The following BIRC6 variants were observed in gnomAD, a reference collection of about 807,000 sequenced individuals.
The protein encoded by BIRC6 is dual E2 ubiquitin-conjugating enzyme/E3 ubiquitin-protein ligase BIRC6.
In BIRC6, 98 loss-of-function variants were observed where a neutral mutation model predicts 503.3. The observed-to-expected ratio is 0.19, with a 90% CI of 0.17 to 0.23. The LOEUF is 0.23. BIRC6 is among the 10% of genes least tolerant of loss of function. The pLI is 1.00. For synonymous variants in BIRC6, 2,240 were observed against 2,078.7 expected (o/e 1.08, Z -2.11); for missense variants, 5,360 against 5,806.0 (o/e 0.92, Z 2.50).
In BIRC6 at chr2:32,518,370, G is replaced by A. The variant is rs755156162; in HGVS notation, c.11466G>A (p.Val3822=). The A allele has an allele frequency of 1.2e-6, 2 of 1,609,298 alleles. No homozygotes were observed. Among genetic ancestry groups the A allele is most frequent in the Non-Finnish European group, 1.7e-6 (2 of 1,178,796 alleles). ...AGTTGATGCTGGAAGATGAGAAAGT[G>A]ACAATGTTTCTTCAGTCTCCATGTC... The part of the protein sequence containing the change: ...FLQLMLEDEK[V]TMFLQSPCPL... The change falls in exon 56 of 74, where the codon GTG becomes GTA. Residue 3822 remains valine (V), a synonymous_variant. Coordinates refer to ENST00000421745, the MANE Select transcript of BIRC6 (RefSeq NM_016252.4).
At chr2:32,583,726 G>A (rs367778392) in intron 66 of BIRC6, among the ~76,000 whole-genome samples, 1 of 151,944 alleles carries the variant, frequency 6.6e-6, no homozygotes, top group East Asian at 1.9e-4. Context: ...ATGCTAAAAC[G>A]TATTGTAATT....
chr2:32,548,456 C>A (rs2058208278), intron 64 of BIRC6, among the ~76,000 whole-genome samples: 1 of 149,356 alleles, frequency 6.7e-6, no homozygotes, highest in African/African-American at 2.5e-5. Flanking sequence ...GCAACCTTCA[C>A]CTCCCAGGTT....
intron 4 of BIRC6, among the ~76,000 whole-genome samples, chr2:32,391,461 TC>T (rs1479402552): frequency 1.3e-5 from 2 of 152,360 alleles, no homozygotes; most frequent in Middle Eastern, 3.4e-3. Context: ...AGAATGCATT[TC>T]TAACCAAACA....
chr2:32,460,287 T>A (rs1476387201), intron 23 of BIRC6, among the ~76,000 whole-genome samples: 4 of 103,370 alleles, frequency 3.9e-5, no homozygotes, highest in African/African-American at 1.1e-4. Flanking sequence ...TTTTTTTTTT[T>A]TTTTTTTTTT....
At chr2:32,607,930 C>A (rs1573350787) in intron 72 of BIRC6, among the ~76,000 whole-genome samples, 1 of 140,332 alleles carries the variant, frequency 7.1e-6, no homozygotes, top group East Asian at 2.1e-4. Context: ...TGAGACTGCA[C>A]CACTGCACTC....
At chr2:32,589,120 G>T (rs2061245242) in intron 66 of BIRC6, among the ~76,000 whole-genome samples, 1 of 152,020 alleles carries the variant, frequency 6.6e-6, no homozygotes, top group Non-Finnish European at 1.5e-5. Flanking sequence ...GTTGGTATTT[G>T]ATGGTTTCAC....
intron 66 of BIRC6, chr2:32,590,789 TC>T: frequency 1.0e-6 from 1 of 985,766 alleles, no homozygotes; most frequent in East Asian, 1.1e-4. Context: ...TTCAGTTGCT[TC>T]CTCGTATTTC....
rs761537595 is a variant in BIRC6, at chr2:32,508,158, T to G, written c.9879T>G (p.Leu3293=). 1.2e-6 allele frequency: 2 copies of G among 1,613,846 alleles called. No individual in the cohort carries two copies. Among genetic ancestry groups the G allele is most frequent in the Admixed American group, 3.3e-5 (2 of 59,996 alleles). The change falls in exon 51 of 74, where the codon CTT becomes CTG. Residue 3293 remains leucine (L), a synonymous_variant. Transcript: ENST00000421745. ...HRPRDASTLG[L]SQIKLLGLTA... is the part of the protein sequence containing the mutation. ...CACGGGATGCCAGCACATTAGGCCT[T>G]TCACAAATTAAATTATTGGGGCTCA...
chr2:32,488,065 G>T (rs1359058716), intron 41 of BIRC6, among the ~76,000 whole-genome samples: 1 of 152,054 alleles, frequency 6.6e-6, no homozygotes, highest in Non-Finnish European at 1.5e-5. Context: ...GAATCACAGG[G>T]CATGGTGGCT....
intron 1 of BIRC6, among the ~76,000 whole-genome samples, chr2:32,377,300 T>C (rs530267682): frequency 6.6e-6 from 1 of 152,068 alleles, no homozygotes; most frequent in African/African-American, 2.4e-5. Context: ...TATATCATGC[T>C]CATTTTCCCT....
At chr2:32,420,506 C>A (rs1453502700) in intron 10 of BIRC6, among the ~76,000 whole-genome samples, 1 of 151,984 alleles carries the variant, frequency 6.6e-6, no homozygotes, top group African/African-American at 2.4e-5. Context: ...TCCCCACAAT[C>A]ATTTTATTTA....
At chr2:32,381,331 C>A (rs756666883) in intron 3 of BIRC6, among the ~76,000 whole-genome samples, 75 of 152,126 alleles carry the variant, frequency 4.9e-4, no homozygotes, top group Non-Finnish European at 7.9e-4. Context: ...CCTCTGCCTC[C>A]CGGGTTCAAG....
chr2:32,403,378 G>C (rs566195086), intron 8 of BIRC6, among the ~76,000 whole-genome samples: 1 of 152,144 alleles, frequency 6.6e-6, no homozygotes, highest in Non-Finnish European at 1.5e-5. Flanking sequence ...TAGCAATATA[G>C]TTTGCTTAGA....
chr2:32,488,419 G>A (rs1029439928), intron 41 of BIRC6, among the ~76,000 whole-genome samples, 169 bp from the exon 42 acceptor site: 1 of 152,140 alleles, frequency 6.6e-6, no homozygotes, highest in Non-Finnish European at 1.5e-5. Flanking sequence ...AGATGTGTTT[G>A]CTGATCAACT....
At chr2:32,464,351 A>G (rs1180306257) in intron 24 of BIRC6, among the ~76,000 whole-genome samples, 158 bp from the exon 25 acceptor site, 1 of 152,256 alleles carries the variant, frequency 6.6e-6, no homozygotes, top group Non-Finnish European at 1.5e-5. Flanking sequence ...TAGCAAAGCA[A>G]TGATCCATTT....
chr2:32,572,396 C>T (rs1273541436), intron 65 of BIRC6, among the ~76,000 whole-genome samples: 2 of 152,170 alleles, frequency 1.3e-5, no homozygotes. Flanking sequence ...TCATTTCCAG[C>T]TTTCCCTATT....
intron 41 of BIRC6, 79 bp downstream of exon 41, chr2:32,487,880 T>C (rs2051183941): frequency 8.2e-7 from 1 of 1,219,620 alleles, no homozygotes; most frequent in Admixed American, 2.0e-5. Context: ...GGGAAGTTCA[T>C]TCTAATCCTG....
chr2:32,473,954 G>A (rs919393075), intron 33 of BIRC6, among the ~76,000 whole-genome samples: 5 of 151,436 alleles, frequency 3.3e-5, no homozygotes, highest in South Asian at 2.1e-4. Context: ...ATGGGGTCTC[G>A]CTTTGTTGCC....
intron 65 of BIRC6, among the ~76,000 whole-genome samples, chr2:32,570,653 C>T (rs778780259): frequency 6.7e-6 from 1 of 150,112 alleles, no homozygotes; most frequent in Non-Finnish European, 1.5e-5. Flanking sequence ...ACTTGCACCA[C>T]AACACCCGGC....
Sources: gnomAD v4.1 joint callset for allele counts (sites outside exome capture counted in the v4.1 genomes callset) on GRCh38, gnomAD v4.1.1 for gene constraint, MANE v1.5 for transcripts, NCBI Gene and HGNC (gene_info 2026-07-23, HGNC 2026-07-21) for gene names.